RFX7: variants seen among roughly 807,000 people sequenced by gnomAD.
RFX7 encodes the protein regulatory factor X7.
In RFX7, 26 loss-of-function variants were observed where a neutral mutation model predicts 111.8. The ratio of observed to expected loss-of-function variants is 0.23; its 90% CI spans 0.17 to 0.32. The LOEUF is 0.32. RFX7 is among the 10% of genes least tolerant of loss of function. The pLI is 1.00. For missense variants in RFX7, 1,573 were observed against 1,772.9 expected (o/e 0.89, Z 2.02); for synonymous variants, 624 against 624.4 (o/e 1.00, Z 0.01).
Position 56,087,846 on chromosome 15 carries a change from A to G in RFX7, c.*5499T>C. ...GCACTTTATCATCTGTTAAAAAAAA[A>G]GTCCCATTTTTATTTTGATGACATT... On this transcript the variant is annotated 3_prime_UTR_variant, in exon 10 of 10. Coordinates refer to ENST00000559447, the MANE Select transcript of RFX7 (RefSeq NM_022841.7). 2 of 292,612 alleles carry G rather than the reference A, an allele frequency of 6.8e-6. No homozygotes were observed. 18.1% of individuals were successfully genotyped at this position (292,612 alleles called of 1,614,324 possible).
At chr15:56,238,761 T>C (rs1167342087) in intron 2 of RFX7, among the ~76,000 whole-genome samples, 1 of 152,210 alleles carries the variant, frequency 6.6e-6, no homozygotes, top group African/African-American at 2.4e-5. Context: ...GGTACAAGTT[T>C]AATACAAGTT....
At chr15:56,163,735 T>G (rs1372219777) in intron 3 of RFX7, among the ~76,000 whole-genome samples, 1 of 152,200 alleles carries the variant, frequency 6.6e-6, no homozygotes, top group African/African-American at 2.4e-5. Flanking sequence ...GTTATCATTA[T>G]TCTTTGTTAT....
chr15:56,228,379 T>G (rs1299973381), intron 2 of RFX7, among the ~76,000 whole-genome samples: 2 of 152,170 alleles, frequency 1.3e-5, no homozygotes, highest in Non-Finnish European at 2.9e-5. Context: ...TGGAATTATG[T>G]AATTGAACTA....
rs758166865 is a variant in RFX7 at position 56,243,138 on chromosome 15, T to C, written c.148A>G (p.Lys50Glu). 6.6e-6 allele frequency: 9 copies of C among 1,362,080 alleles called. No individual in the cohort carries two copies. The highest frequency in any genetic ancestry group is 8.8e-6 in the Non-Finnish European group (9 of 1,019,922). 84.4% of individuals were successfully genotyped at this position (1,362,080 alleles called of 1,614,324 possible). A position where few individuals can be genotyped will look rare whatever the true frequency, so the allele number is the denominator to read the frequency against. Residue 50 changes from lysine to glutamate, a missense_variant, in exon 2 of 10, where the codon AAG becomes GAG. Physicochemically the swap from Lys to Glu is moderately conservative, Grantham distance 56. Around this residue, in one of 7 missense-constraint regions of RFX7, gnomAD observed 191 missense variants for 194.2 expected, o/e 0.98. Coordinates refer to ENST00000559447, the MANE Select transcript of RFX7 (RefSeq NM_022841.7). ...TEASALQHKIKNSICKTVQSK... is the reference protein window; with the variant it reads ...TEASALQHKIENSICKTVQSK... ...GGATCCTCTTACCAGATGGAGTTCT[T>C]GATCTTGTGTTGCAGCGCGCTGGCC...
intron 3 of RFX7, among the ~76,000 whole-genome samples, chr15:56,167,813 C>T (rs923781998): frequency 2.6e-5 from 4 of 152,142 alleles, no homozygotes; most frequent in African/African-American, 9.7e-5. Context: ...ACTTAAATAT[C>T]TAACATTATT....
intron 2 of RFX7, among the ~76,000 whole-genome samples, chr15:56,202,959 G>A (rs531262984): frequency 3.9e-5 from 6 of 152,250 alleles, no homozygotes; most frequent in Admixed American, 3.3e-4. Flanking sequence ...CATGATACAT[G>A]CAGATTAATT....
chr15:56,161,303 T>C (rs2141084824), intron 3 of RFX7, among the ~76,000 whole-genome samples: 1 of 152,126 alleles, frequency 6.6e-6, no homozygotes, highest in Non-Finnish European at 1.5e-5. Flanking sequence ...CCCTCAACTA[T>C]AATCAAGCCT....
intron 3 of RFX7, among the ~76,000 whole-genome samples, chr15:56,160,335 T>C (rs1451838001): frequency 3.9e-5 from 6 of 152,164 alleles, no homozygotes; most frequent in African/African-American, 1.4e-4. Flanking sequence ...TCTTTTCAGA[T>C]TGGTATCAGT....
At chr15:56,206,181 T>C (rs973335371) in intron 2 of RFX7, among the ~76,000 whole-genome samples, 21 of 152,072 alleles carry the variant, frequency 1.4e-4, no homozygotes, top group African/African-American at 4.8e-4. Context: ...GTGGAAGCAA[T>C]GCATGTGTCT....
At chr15:56,096,750 G>A (rs2041684767) in intron 9 of RFX7, 130 bp from the exon 10 acceptor site, 3 of 983,056 alleles carry the variant, frequency 3.1e-6, no homozygotes, top group Non-Finnish European at 4.3e-6. Context: ...TATGTTAGAA[G>A]AGAGTTCTTC....
At chr15:56,128,359 C>T (rs2042171605) in intron 5 of RFX7, among the ~76,000 whole-genome samples, 1 of 152,104 alleles carries the variant, frequency 6.6e-6, no homozygotes, top group South Asian at 2.1e-4. Flanking sequence ...CTGAAACTAG[C>T]TGCATACATA....
chr15:56,208,941 G>A (rs2043283134), intron 2 of RFX7, among the ~76,000 whole-genome samples: 1 of 152,074 alleles, frequency 6.6e-6, no homozygotes, highest in Non-Finnish European at 1.5e-5. Flanking sequence ...TAACATATGT[G>A]TAATGGAAAT....
Position 56,142,800 on chromosome 15 carries a change from G to C in RFX7, c.379C>G (p.Gln127Glu). 8 of 1,613,178 alleles carry C rather than the reference G, an allele frequency of 5.0e-6. No individual in the cohort carries two copies. Among genetic ancestry groups the C allele is most frequent in the Non-Finnish European group, 6.8e-6 (8 of 1,179,446 alleles). ...EEHPETSLPKQEVYDEYKSYC... is the reference protein window; with the variant it reads ...EEHPETSLPKEEVYDEYKSYC... ...TACTTGTACTCATCATAGACTTCCT[G>C]TTTGGGCAGTGAAGTCTCCGGATGT... Residue 127 changes from glutamine to glutamate, a missense_variant, in exon 5 of 10, where the codon CAG (glutamine) becomes GAG (glutamate). Coordinates refer to ENST00000559447, the MANE Select transcript of RFX7 (RefSeq NM_022841.7).
In RFX7 at chr15:56,145,970, C is replaced by A. The variant is rs115614742; in HGVS notation, c.196-1487G>T. 2.3e-3 allele frequency among the ~76,000 whole-genome samples: 355 copies of A among 152,348 alleles called. 2 individuals carry two copies. Among genetic ancestry groups the A allele is most frequent in the African/African-American group, 8.3e-3 (346 of 41,576 alleles). The stretch of plus-strand genomic sequence containing the variant: ...TACAACAAAGATGAACAACACACCA[C>A]CACCACAGTTCTTGCCCTTAATGAA... On this transcript the variant is annotated intron_variant, in intron 3 of 9. Coordinates refer to ENST00000559447, the MANE Select transcript of RFX7 (RefSeq NM_022841.7).
chr15:56,176,548 A>T (rs2042905049), intron 3 of RFX7, among the ~76,000 whole-genome samples: 1 of 152,212 alleles, frequency 6.6e-6, no homozygotes, highest in Non-Finnish European at 1.5e-5. Context: ...ACAAGCAAAC[A>T]AAACTGTAAA....
At chr15:56,201,744 A>G (rs1171295822) in intron 2 of RFX7, among the ~76,000 whole-genome samples, 6 of 151,930 alleles carry the variant, frequency 3.9e-5, no homozygotes, top group Non-Finnish European at 5.9e-5. Context: ...AGTTTAAAAA[A>G]CACTGGCCGG....
chr15:56,190,421 A>C (rs144585976), intron 2 of RFX7, among the ~76,000 whole-genome samples: 1 of 152,302 alleles, frequency 6.6e-6, no homozygotes, highest in Non-Finnish European at 1.5e-5. Context: ...TCTAGACACT[A>C]ATCAACATGG....
chr15:56,243,263 G>A lies in RFX7; in HGVS notation c.23C>T (p.Pro8Leu). Residue 8 changes from proline (P) to leucine (L), a missense_variant, in exon 2 of 10, where the codon CCG becomes CTG. Physicochemically the swap from Pro to Leu is moderately conservative, Grantham distance 98. Around this residue, in one of 7 missense-constraint regions of RFX7, gnomAD observed 191 missense variants for 194.2 expected, o/e 0.98. Transcript: ENST00000559447. MAEEQQQ[P>L]PPQQPDAHQQ... ...ATGGGCATCAGGCTGCTGTGGTGGC[G>A]GCTGTTGTTGTTCCTCTGCCATCGC... 1 of 1,280,404 alleles carries A rather than the reference G, an allele frequency of 7.8e-7. No individual in the cohort carries two copies. Among genetic ancestry groups the A allele is most frequent in the Non-Finnish European group, 1.0e-6 (1 of 980,532 alleles). 79.3% of individuals were successfully genotyped at this position (1,280,404 alleles called of 1,614,324 possible).
intron 2 of RFX7, among the ~76,000 whole-genome samples, chr15:56,213,707 T>C (rs1010544350): frequency 7.2e-5 from 11 of 152,172 alleles, no homozygotes; most frequent in African/African-American, 2.7e-4. Flanking sequence ...GATCTCTCTT[T>C]ATATTATTTC....
Sources: allele counts gnomAD v4.1 joint callset (sites outside exome capture counted in the v4.1 genomes callset), GRCh38; gene constraint gnomAD v4.1.1; regional missense constraint gnomAD v4.1.1; transcripts MANE v1.5; gene names NCBI Gene and HGNC (gene_info 2026-07-23, HGNC 2026-07-21).